Variants in RIMS1 observed in about 807,000 individuals in gnomAD.
RIMS1 encodes regulating synaptic membrane exocytosis protein 1.
RIMS1 carries 83 observed loss-of-function variants against 214.1 expected under a neutral mutation model. The ratio of observed to expected loss-of-function variants is 0.39; its 90% CI spans 0.32 to 0.47. The LOEUF is 0.47. Ranked by LOEUF, RIMS1 falls within the 20% of genes least tolerant of loss-of-function variation. The probability of loss-of-function intolerance (pLI) is 0.99; values close to 1 mark genes in which losing one functional copy is unlikely to be tolerated. For missense variants in RIMS1, 2,050 were observed against 2,161.8 expected (o/e 0.95, Z 1.03); for synonymous variants, 793 against 786.8 (o/e 1.01, Z -0.13).
intron 6 of RIMS1, among the ~76,000 whole-genome samples, chr6:72,221,546 T>G (rs933694843): frequency 6.6e-6 from 1 of 151,954 alleles, no homozygotes; most frequent in African/African-American, 2.4e-5. Context: ...TTATCACAAA[T>G]TATTTACAAA....
At position 72,011,220 on chromosome 6, in the gene RIMS1, A is replaced by C. The variant is rs572419368; in HGVS notation, c.245+42157A>C. Among the ~76,000 whole-genome samples, 647 of 152,266 alleles carry C rather than the reference A, an allele frequency of 4.2e-3. 5 individuals carry two copies. The highest frequency in any genetic ancestry group is 0.013 in the African/African-American group (550 of 41,560). ...CTTTGACAAACCTGACAAAAACAAGAAATGAAGAAAGGATTCCCTATTTAA... is the reference window on the plus strand; with the variant it reads ...CTTTGACAAACCTGACAAAAACAAGCAATGAAGAAAGGATTCCCTATTTAA... On this transcript the variant is annotated intron_variant, in intron 2 of 33. Coordinates refer to ENST00000521978, the MANE Select transcript of RIMS1 (RefSeq NM_014989.7).
intron 26 of RIMS1, among the ~76,000 whole-genome samples, chr6:72,301,154 G>A (rs776292166): frequency 6.6e-5 from 10 of 151,562 alleles, no homozygotes; most frequent in Non-Finnish European, 1.0e-4. Flanking sequence ...TTATATTACT[G>A]TAGCATAATC....
At chr6:72,356,796 A>G (rs947440495) in intron 29 of RIMS1, among the ~76,000 whole-genome samples, 5 of 151,980 alleles carry the variant, frequency 3.3e-5, no homozygotes, top group African/African-American at 9.7e-5. Context: ...AATAAAATAA[A>G]ATGAGACTTT....
intron 29 of RIMS1, among the ~76,000 whole-genome samples, chr6:72,368,614 C>T (rs1474119107): frequency 2.6e-5 from 4 of 152,026 alleles, no homozygotes; most frequent in African/African-American, 9.7e-5. Flanking sequence ...TACTAAAATT[C>T]AGTCACCAGC....
At chr6:72,094,080 A>T (rs549296457) in intron 2 of RIMS1, among the ~76,000 whole-genome samples, 7 of 152,162 alleles carry the variant, frequency 4.6e-5, no homozygotes, top group South Asian at 2.1e-4. Context: ...ATGTATTAGG[A>T]TATGTTGTCC....
chr6:72,120,489 G>C (rs1056513712), intron 4 of RIMS1, among the ~76,000 whole-genome samples: 2 of 151,852 alleles, frequency 1.3e-5, no homozygotes, highest in Non-Finnish European at 2.9e-5. Flanking sequence ...TTGCCCACTT[G>C]TTGATGGGGT....
At chr6:72,065,363 GAAT>G (rs1829030843) in intron 2 of RIMS1, among the ~76,000 whole-genome samples, 1 of 152,126 alleles carries the variant, frequency 6.6e-6, no homozygotes, top group African/African-American at 2.4e-5. Context: ...ATGTATGAAA[GAAT>G]AATAACACTG....
chr6:72,278,176 TATCTATC>T (rs1337909651), intron 23 of RIMS1, among the ~76,000 whole-genome samples: 3 of 151,940 alleles, frequency 2.0e-5, no homozygotes, highest in East Asian at 3.8e-4. Context: ...TCTATCTATC[TATCTATC>T]TATCTATCTA....
chr6:72,182,576 C>A lies in RIMS1; in HGVS notation c.1105C>A (p.Pro369Thr). 1 of 1,549,644 alleles carries A rather than the reference C, an allele frequency of 6.5e-7. No individual in the cohort carries two copies. The highest frequency in any genetic ancestry group is 1.2e-5 in the South Asian group (1 of 84,048). The change falls in exon 6 of 34, where the codon CCG (proline) becomes ACG (threonine). Residue 369 changes from proline (P) to threonine (T), a missense_variant. Transcript: ENST00000521978. ...CCTAGCTCGGTACCCGGTGAAACCGCCGCCTGAGGAGCAGCAGATGCGCAT... is the reference window on the plus strand; with the variant it reads ...CCTAGCTCGGTACCCGGTGAAACCGACGCCTGAGGAGCAGCAGATGCGCAT... ...PNLARYPVKP[P>T]PEEQQMRMHA...
intron 4 of RIMS1, among the ~76,000 whole-genome samples, chr6:72,107,437 T>C (rs1012229868): frequency 6.6e-6 from 1 of 152,186 alleles, no homozygotes. Flanking sequence ...GGCAGGTGCC[T>C]GTACTACCAG....
intron 1 of RIMS1, among the ~76,000 whole-genome samples, chr6:71,957,568 A>G (rs890948648): frequency 1.4e-5 from 2 of 145,956 alleles, no homozygotes; most frequent in African/African-American, 2.8e-5. Flanking sequence ...ATGTTTTTCT[A>G]TGTACATGAA....
At chr6:72,239,989 ATAAC>A (rs900969394) in intron 9 of RIMS1, among the ~76,000 whole-genome samples, 1 of 151,704 alleles carries the variant, frequency 6.6e-6, no homozygotes, top group African/African-American at 2.4e-5. Flanking sequence ...ACCTGGAACA[ATAAC>A]TAACTACTAT....
intron 1 of RIMS1, among the ~76,000 whole-genome samples, chr6:71,958,223 C>A (rs758019851): frequency 6.6e-6 from 1 of 152,026 alleles, no homozygotes; most frequent in Non-Finnish European, 1.5e-5. Context: ...GAGCAGGTTT[C>A]CTGTATTTGT....
intron 4 of RIMS1, among the ~76,000 whole-genome samples, chr6:72,145,980 C>G (rs572611276): frequency 2.4e-4 from 36 of 152,246 alleles, no homozygotes; most frequent in Middle Eastern, 6.8e-3. Context: ...CAGAAGTATA[C>G]CTTACTCAAT....
intron 8 of RIMS1, 48 bp downstream of exon 8, chr6:72,235,776 G>T: frequency 2.9e-6 from 3 of 1,045,128 alleles, no homozygotes; most frequent in East Asian, 2.7e-5. Context: ...ATTACAGTAT[G>T]GTCTGCATTC....
At chr6:72,336,927 G>T (rs556256635) in intron 29 of RIMS1, among the ~76,000 whole-genome samples, 9 of 151,626 alleles carry the variant, frequency 5.9e-5, no homozygotes, top group African/African-American at 2.2e-4. Context: ...AGCTTTTATT[G>T]CTTCAGATTC....
intron 7 of RIMS1, among the ~76,000 whole-genome samples, chr6:72,234,685 C>T (rs1416776300): frequency 6.6e-6 from 1 of 151,958 alleles, no homozygotes; most frequent in Admixed American, 6.6e-5. Flanking sequence ...AGAATAGTTT[C>T]ACTGATCTAA....
chr6:71,935,339 G>T (rs1784131830), intron 1 of RIMS1, among the ~76,000 whole-genome samples: 2 of 152,090 alleles, frequency 1.3e-5, no homozygotes, highest in African/African-American at 4.8e-5. Flanking sequence ...GATAATTTAT[G>T]TATCAATTAA....
At chr6:72,399,942 G>A (rs1026008829) in intron 33 of RIMS1, among the ~76,000 whole-genome samples, 2 of 152,026 alleles carry the variant, frequency 1.3e-5, no homozygotes, top group Non-Finnish European at 2.9e-5. Context: ...AATCAAAATT[G>A]GCAGGCAAGT....
Sources: gnomAD v4.1 joint callset for allele counts (sites outside exome capture counted in the v4.1 genomes callset) on GRCh38, gnomAD v4.1.1 for gene constraint, MANE v1.5 for transcripts, NCBI Gene and HGNC (gene_info 2026-07-23, HGNC 2026-07-21) for gene names.